The following DEGS2 variants were observed in gnomAD, a reference collection of about 807,000 sequenced individuals.
DEGS2 encodes sphingolipid delta(4)-desaturase/C4-monooxygenase DES2.
Under a neutral mutation model 23.8 loss-of-function variants are expected in DEGS2, and 19 were observed. The observed-to-expected ratio is 0.80, with a 90% confidence interval of 0.56 to 1.17. DEGS2 has a LOEUF of 1.17. DEGS2 is among the 50% of genes most tolerant of loss of function. The pLI, the probability that DEGS2 is intolerant of heterozygous loss-of-function variation, is 0.00. For missense variants in DEGS2, 390 were observed against 459.5 expected (o/e 0.85, Z 1.38); for synonymous variants, 218 against 213.7 (o/e 1.02, Z -0.18).
chr14:100,154,587 TAC>T (rs1200424029), intron 1 of DEGS2, among the ~76,000 whole-genome samples: 1 of 152,232 alleles, frequency 6.6e-6, no homozygotes, highest in African/African-American at 2.4e-5. Context: ...TGCACACTTA[TAC>T]CAGTTAGCAG....
upstream of DEGS2, among the ~76,000 whole-genome samples, chr14:100,162,975 C>T (rs1889767041): frequency 6.6e-6 from 1 of 152,212 alleles, no homozygotes; most frequent in South Asian, 2.1e-4. Flanking sequence ...TCAGACAGCC[C>T]ATGACCCAGA....
chr14:100,149,254 T>C lies in DEGS2; in HGVS notation c.539A>G (p.Lys180Arg). ...GAGCACCTCCATGCGGGTCACGGCCTTGGGGTGGACGCAGAGCGGCCGTAG... is the reference window on the plus strand; with the variant it reads ...GAGCACCTCCATGCGGGTCACGGCCCTGGGGTGGACGCAGAGCGGCCGTAG... ...YSLRPLCVHP[K>R]AVTRMEVLNT... is the part of the protein sequence containing the mutation. The change falls in exon 2 of 3, where the codon AAG becomes AGG. Residue 180 changes from lysine to arginine, a missense_variant. Physicochemically the swap from Lys to Arg is conservative, Grantham distance 26. Transcript: ENST00000305631. The C allele has an allele frequency of 6.2e-7, 1 of 1,612,842 alleles. No homozygotes were observed. The highest frequency in any genetic ancestry group is 1.3e-5 in the African/African-American group (1 of 75,066).
chr14:100,155,192 T>A (rs1889638694), intron 1 of DEGS2, among the ~76,000 whole-genome samples: 1 of 152,186 alleles, frequency 6.6e-6, no homozygotes, highest in African/African-American at 2.4e-5. Flanking sequence ...CTGCTCAGGG[T>A]TGACGATGCC....
At position 100,146,728 on chromosome 14, in the gene DEGS2, G is replaced by T. The variant is rs374172054; in HGVS notation, c.*33C>A. On this transcript the variant is annotated 3_prime_UTR_variant, in exon 3 of 3. Coordinates refer to ENST00000305631, the MANE Select transcript of DEGS2 (RefSeq NM_206918.3). ...GGTGCAAGGCTGAGGGGCCGATGGG[G>T]GACAATGGCCACCACCAGGAGGCAG... 2.9e-5 allele frequency: 46 copies of T among 1,608,754 alleles called. No individual in the cohort carries two copies. The highest frequency in any genetic ancestry group is 3.7e-5 in the Non-Finnish European group (43 of 1,177,482).
the DEGS2 span, among the ~76,000 whole-genome samples, chr14:100,166,154 A>G: frequency 3.8e-5 from 1 of 26,534 alleles, no homozygotes; most frequent in African/African-American, 1.1e-4. Flanking sequence ...GAGTGGGGGG[A>G]GCCTGTCTGG....
chr14:100,162,221 C>T (rs1269813544), upstream of DEGS2, among the ~76,000 whole-genome samples: 5 of 151,656 alleles, frequency 3.3e-5, no homozygotes, highest in Admixed American at 3.3e-4. Flanking sequence ...TGGTGGCGGG[C>T]ACCTGTAGTC....
upstream of DEGS2, among the ~76,000 whole-genome samples, chr14:100,164,447 C>T (rs1397832206): frequency 6.6e-6 from 1 of 152,004 alleles, no homozygotes; most frequent in African/African-American, 2.4e-5. Flanking sequence ...ACCAGCCTGG[C>T]CAACATGCTG....
In DEGS2 at chr14:100,159,528, C is replaced by T; in HGVS notation, c.60G>A (p.Thr20=). 2 of 1,507,050 alleles carry T rather than the reference C, an allele frequency of 1.3e-6. No homozygotes were observed. The highest frequency in any genetic ancestry group is 8.9e-7 in the Non-Finnish European group (1 of 1,129,422). 93.4% of individuals were successfully genotyped at this position (1,507,050 alleles called of 1,614,324 possible). A position where few individuals can be genotyped will look rare whatever the true frequency, so the allele number is the denominator to read the frequency against. Residue 20 remains threonine (T), a synonymous_variant, in exon 1 of 3, where the codon ACG becomes ACA. Coordinates refer to ENST00000305631, the MANE Select transcript of DEGS2 (RefSeq NM_206918.3). ...CACCCAGTATCTCCTTGCGCCGCTG[C>T]GTGTGCGGCTGGTCGGTGTAGACCC... is the stretch of plus-strand genomic sequence containing the variant. ...FEWVYTDQPH[T]QRRKEILAKY...
At chr14:100,161,829 G>A (rs1889752042), upstream of DEGS2, among the ~76,000 whole-genome samples, 1 of 152,102 alleles carries the variant, frequency 6.6e-6, no homozygotes, top group African/African-American at 2.4e-5. Flanking sequence ...CAGCACTTTG[G>A]GAGGCTGAGG....
At chr14:100,161,906 C>T (rs1889753096), upstream of DEGS2, among the ~76,000 whole-genome samples, 1 of 151,634 alleles carries the variant, frequency 6.6e-6, no homozygotes, top group Admixed American at 6.6e-5. Flanking sequence ...CCCGTCTCTA[C>T]TAAAAATACA....
the DEGS2 span, among the ~76,000 whole-genome samples, chr14:100,165,951 TG>T: frequency 1.3e-5 from 1 of 74,442 alleles, no homozygotes; most frequent in Non-Finnish European, 2.7e-5. Context: ...CAGGGGAGCC[TG>T]CCTGGGAGAG....
chr14:100,157,197 C>G (rs530132261), intron 1 of DEGS2, among the ~76,000 whole-genome samples: 27 of 152,352 alleles, frequency 1.8e-4, no homozygotes, highest in Middle Eastern at 3.4e-3. Flanking sequence ...GACGACTGCC[C>G]GTTTTGCAGA....
chr14:100,164,298 C>T (rs916650967), upstream of DEGS2, among the ~76,000 whole-genome samples: 5 of 152,162 alleles, frequency 3.3e-5, no homozygotes, highest in African/African-American at 1.2e-4. Context: ...CCCCTGGTAT[C>T]ACCAATGCCT....
At chr14:100,150,731 A>G (rs1889556854) in intron 1 of DEGS2, among the ~76,000 whole-genome samples, 1 of 152,024 alleles carries the variant, frequency 6.6e-6, no homozygotes, top group Non-Finnish European at 1.5e-5. Flanking sequence ...CCTTTCAGGG[A>G]GCCCCGTGCC....
chr14:100,164,086 C>T (rs769744905), upstream of DEGS2, among the ~76,000 whole-genome samples: 4 of 152,084 alleles, frequency 2.6e-5, no homozygotes, highest in South Asian at 2.1e-4. Context: ...TGTGGTGGCT[C>T]GCGCCTGTGG....
intron 1 of DEGS2, among the ~76,000 whole-genome samples, chr14:100,152,194 C>G (rs1889583287): frequency 6.6e-6 from 1 of 152,092 alleles, no homozygotes; most frequent in Admixed American, 6.6e-5. Context: ...GAGGGTGGGT[C>G]TGCCTAGGGC....
chr14:100,157,743 TAA>T (rs1008059444), intron 1 of DEGS2, among the ~76,000 whole-genome samples: 1 of 151,880 alleles, frequency 6.6e-6, no homozygotes, highest in Non-Finnish European at 1.5e-5. Context: ...TTCAAACATT[TAA>T]AAGTCATGGT....
upstream of DEGS2, among the ~76,000 whole-genome samples, chr14:100,163,163 C>G (rs573802777): frequency 6.6e-6 from 1 of 152,182 alleles, no homozygotes; most frequent in Non-Finnish European, 1.5e-5. Context: ...ACACCCGAGC[C>G]GGGCGAGGTG....
In DEGS2 at chr14:100,149,099, C is replaced by T. The variant is rs1366529523; in HGVS notation, c.694G>A (p.Glu232Lys). ...TGGCCCTTGAGGAACATGTAGTGCTCGGCCACGAAGTGGCCCGAGATGGGG... is the reference window on the plus strand; with the variant it reads ...TGGCCCTTGAGGAACATGTAGTGCTTGGCCACGAAGTGGCCCGAGATGGGG... ...LHPISGHFVA[E>K]HYMFLKGHET... The change falls in exon 2 of 3, where the codon GAG becomes AAG. Residue 232 changes from glutamate (E) to lysine (K), a missense_variant. By Grantham distance (56) the Glu-to-Lys change is moderately conservative. Transcript: ENST00000305631. The T allele has an allele frequency of 1.2e-6, 2 of 1,612,978 alleles. No individual in the cohort carries two copies. Among genetic ancestry groups the T allele is most frequent in the African/African-American group, 1.3e-5 (1 of 75,078 alleles).
Sources: gnomAD v4.1 joint callset for allele counts (sites outside exome capture counted in the v4.1 genomes callset) on GRCh38, gnomAD v4.1.1 for gene constraint, MANE v1.5 for transcripts, NCBI Gene and HGNC (gene_info 2026-07-23, HGNC 2026-07-21) for gene names.